Variants in ELP3 observed in about 807,000 individuals in gnomAD.
The protein encoded by ELP3 is elongator acetyltransferase complex subunit 3.
In ELP3, 56 loss-of-function variants were observed where a neutral mutation model predicts 74.9. The ratio of observed to expected loss-of-function variants is 0.75; its 90% CI spans 0.60 to 0.93. ELP3 has a LOEUF of 0.93. ELP3 is among the 40% of genes least tolerant of loss of function. The probability of loss-of-function intolerance (pLI) is 0.00; values close to 1 mark genes in which losing one functional copy is unlikely to be tolerated. For synonymous variants in ELP3, 222 were observed against 239.8 expected (o/e 0.93, Z 0.68); for missense variants, 573 against 686.5 (o/e 0.83, Z 1.85).
chr8:28,132,382 A>C lies in ELP3; in HGVS notation c.884A>C (p.Glu295Ala). The change falls in exon 9 of 15, where the codon GAA (glutamate) becomes GCA (alanine). Residue 295 changes from glutamate to alanine, a missense_variant. Physicochemically the swap from Glu to Ala is moderately radical, Grantham distance 107 (BLOSUM62 -1). Transcript: ENST00000256398. ...CCTGACCTGCCAAACGTGGGACTAG[A>C]AAGAGACATTGAACAGTTCACAGTA... ...MMPDLPNVGLERDIEQFTEFF... is the reference protein window; with the variant it reads ...MMPDLPNVGLARDIEQFTEFF... 1 of 1,614,124 alleles carries C rather than the reference A, an allele frequency of 6.2e-7. No individual in the cohort carries two copies. Among genetic ancestry groups the C allele is most frequent in the Non-Finnish European group, 8.5e-7 (1 of 1,179,968 alleles).
intron 10 of ELP3, among the ~76,000 whole-genome samples, chr8:28,140,445 T>C (rs1158990687): frequency 6.6e-6 from 1 of 152,182 alleles, no homozygotes; most frequent in East Asian, 1.9e-4. Flanking sequence ...TTCAGAAACA[T>C]AATATTTGCA....
At chr8:28,094,144 T>C (rs931765147) in intron 1 of ELP3, among the ~76,000 whole-genome samples, 1 of 152,258 alleles carries the variant, frequency 6.6e-6, no homozygotes, top group Non-Finnish European at 1.5e-5. Context: ...TGCCCTAAAT[T>C]AATTTGTTAT....
intron 14 of ELP3, among the ~76,000 whole-genome samples, chr8:28,177,470 G>A (rs539650285): frequency 6.6e-6 from 1 of 152,338 alleles, no homozygotes; most frequent in Admixed American, 6.5e-5. Context: ...GATACATCAA[G>A]TAGGCAATAG....
rs563294652 is a variant in ELP3 at position 28,155,773 on chromosome 8, G to A, written c.1101-169G>A. 2.0e-5 allele frequency among the ~76,000 whole-genome samples: 3 copies of A among 152,346 alleles called. No homozygotes were observed. In the South Asian group the frequency reaches 6.2e-4, roughly 32 times the overall value. On this transcript the variant is annotated intron_variant, in intron 10 of 14. Coordinates refer to ENST00000256398, the MANE Select transcript of ELP3 (RefSeq NM_018091.6). ...TAATTTCCTTGATGAGAAAGCTGAG[G>A]CATAGAGAAGCTCCTTGTTAGGAGG...
At chr8:28,136,468 G>C (rs1268802917) in intron 9 of ELP3, among the ~76,000 whole-genome samples, 1 of 152,138 alleles carries the variant, frequency 6.6e-6, no homozygotes, top group African/African-American at 2.4e-5. Flanking sequence ...GTGAACAATG[G>C]CTTCCATACG....
At chr8:28,102,430 C>T (rs1281705325) in intron 3 of ELP3, among the ~76,000 whole-genome samples, 1 of 152,190 alleles carries the variant, frequency 6.6e-6, no homozygotes, top group Non-Finnish European at 1.5e-5. Context: ...TTATTTCAGT[C>T]ATTTCCTTAC....
At chr8:28,101,202 G>A (rs1411245505) in intron 3 of ELP3, among the ~76,000 whole-genome samples, 1 of 151,912 alleles carries the variant, frequency 6.6e-6, no homozygotes, top group Non-Finnish European at 1.5e-5. Flanking sequence ...CCGATCACAA[G>A]GTCAGGTCAA....
chr8:28,109,292 C>T (rs1811817741), intron 5 of ELP3, among the ~76,000 whole-genome samples: 1 of 152,156 alleles, frequency 6.6e-6, no homozygotes, highest in Non-Finnish European at 1.5e-5. Context: ...CAGAACACCT[C>T]AGAAGCCAGG....
intron 7 of ELP3, among the ~76,000 whole-genome samples, chr8:28,121,058 A>G (rs754142056): frequency 2.6e-5 from 4 of 152,206 alleles, no homozygotes; most frequent in Admixed American, 6.5e-5. Flanking sequence ...CAGCTGGCCA[A>G]TGCTCTATTA....
intron 7 of ELP3, among the ~76,000 whole-genome samples, chr8:28,120,657 C>A (rs952351389): frequency 6.6e-6 from 1 of 152,164 alleles, no homozygotes; most frequent in Non-Finnish European, 1.5e-5. Context: ...CCTGTGTTTT[C>A]TTCTAATTAC....
intron 14 of ELP3, among the ~76,000 whole-genome samples, chr8:28,180,287 A>G (rs943068071): frequency 2.0e-5 from 3 of 152,180 alleles, no homozygotes; most frequent in Admixed American, 6.5e-5. Flanking sequence ...TATTTATTGT[A>G]TCCACTGTGT....
intron 14 of ELP3, among the ~76,000 whole-genome samples, chr8:28,175,810 CTTTTTTTTTTTT>C (rs56901616): frequency 6.4e-5 from 5 of 78,248 alleles, no homozygotes; most frequent in Non-Finnish European, 1.2e-4. Context: ...TGTCTAGTGA[CTTTTTTTTTTTT>C]TTTTTTTTTG....
chr8:28,176,193 G>T (rs1814744859), intron 14 of ELP3, among the ~76,000 whole-genome samples: 1 of 152,048 alleles, frequency 6.6e-6, no homozygotes, highest in Admixed American at 6.5e-5. Context: ...TGAAATTTCT[G>T]TTCTTATCTC....
At chr8:28,098,138 A>G (rs956675544) in intron 2 of ELP3, among the ~76,000 whole-genome samples, 2 of 151,906 alleles carry the variant, frequency 1.3e-5, no homozygotes, top group Admixed American at 6.6e-5. Flanking sequence ...CTTCCTCTCC[A>G]TAATCATTTT....
chr8:28,105,101 G>A (rs1166801720), intron 3 of ELP3, among the ~76,000 whole-genome samples: 1 of 151,944 alleles, frequency 6.6e-6, no homozygotes, highest in African/African-American at 2.4e-5. Context: ...TCCAGGCTTG[G>A]CCAGACATGG....
chr8:28,110,393 T>C lies in ELP3; in HGVS notation c.417T>C (p.Arg139=). 6.2e-7 allele frequency: 1 copy of C among 1,613,898 alleles called. No individual in the cohort carries two copies. The highest frequency in any genetic ancestry group is 1.6e-4 in the Middle Eastern group (1 of 6,062). Residue 139 remains arginine, a synonymous_variant, in exon 6 of 15, where the codon CGT becomes CGC. Transcript: ENST00000256398. ...AGCCAACCTCCATGAGAGCTATCCG[T>C]GCCAGATATGACCCTTTCCTACAGA... The part of the protein sequence containing the change: ...GYEPTSMRAI[R]ARYDPFLQTR...
At position 28,100,765 on chromosome 8, in the gene ELP3, C is replaced by G. The variant is rs139415237; in HGVS notation, c.258+799C>G. On this transcript the variant is annotated intron_variant, in intron 3 of 14. Coordinates refer to ENST00000256398, the MANE Select transcript of ELP3 (RefSeq NM_018091.6). ...AGACAAAAAGACTAGCTTAGATGCT[C>G]TTGGTATGATGTCAGTATGCAGTGT... 5.3e-5 allele frequency among the ~76,000 whole-genome samples: 8 copies of G among 152,286 alleles called. No individual in the cohort carries two copies. In the East Asian group the frequency reaches 1.5e-3, roughly 29 times the overall value.
chr8:28,163,421 T>C (rs925047402), intron 14 of ELP3, among the ~76,000 whole-genome samples: 1 of 152,082 alleles, frequency 6.6e-6, no homozygotes. Flanking sequence ...TACCCATGCT[T>C]GGGTTTTAAT....
At position 28,147,325 on chromosome 8, in the gene ELP3, G is replaced by A. The variant is rs186185613; in HGVS notation, c.1101-8617G>A. On this transcript the variant is annotated intron_variant, in intron 10 of 14. Transcript: ENST00000256398. The surrounding 1 kb of genome is among the most constrained non-coding windows in gnomAD (Gnocchi z 4.5). ...GTGCACCTGAAGCGTGGCCAGCAGC[G>A]TGCCTGGCACCTGACTGATGCAGAG... Among the ~76,000 whole-genome samples, 7 of 152,350 alleles carry A rather than the reference G, an allele frequency of 4.6e-5. No individual in the cohort carries two copies. The highest frequency in any genetic ancestry group is 4.1e-4 in the South Asian group (2 of 4,826).
Sources: gnomAD v4.1 joint callset for allele counts (sites outside exome capture counted in the v4.1 genomes callset) on GRCh38, gnomAD v4.1.1 for gene constraint, Gnocchi (gnomAD v3.1) non-coding constraint, MANE v1.5 for transcripts, NCBI Gene and HGNC (gene_info 2026-07-23, HGNC 2026-07-21) for gene names.